IDUA: variants seen among roughly 807,000 people sequenced by gnomAD.
IDUA encodes alpha-L-iduronidase.
In IDUA, 65 loss-of-function variants were observed where a neutral mutation model predicts 68.9. The observed-to-expected ratio is 0.94, with a 90% CI of 0.77 to 1.16. The LOEUF (loss-of-function observed/expected upper bound fraction) is 1.16, where lower values mean the gene tolerates loss of function less well. Ranked by LOEUF, IDUA falls within the 50% of genes most tolerant of loss-of-function variation. IDUA has a pLI of 0.00. For missense variants in IDUA, 1,046 were observed against 938.0 expected (o/e 1.12, Z -1.50); for synonymous variants, 529 against 433.6 (o/e 1.22, Z -2.73).
In IDUA at chr4:999,001, G is replaced by A. The variant is rs1057169022; in HGVS notation, c.300-1611G>A. Among the ~76,000 whole-genome samples, 179 of 152,126 alleles carry A rather than the reference G, an allele frequency of 1.2e-3. 1 individual carries two copies. Among genetic ancestry groups the A allele is most frequent in the Non-Finnish European group, 1.6e-3 (111 of 67,990 alleles). ...GGGCGGATCACGAGGTCAGGAAATG[G>A]AAACCATCCTGGCTAACATGGTGAA... is the stretch of plus-strand genomic sequence containing the variant. On this transcript the variant is annotated intron_variant, in intron 2 of 13. Transcript: ENST00000514224.
intron 2 of IDUA, chr4:992,054 C>T (rs1164562622): frequency 1.6e-5 from 9 of 560,178 alleles, no homozygotes; most frequent in Non-Finnish European, 2.4e-5. Flanking sequence ...ATTGGCTCTG[C>T]GGTTCCTGGC....
chr4:1,003,174 G>A lies in IDUA; in HGVS notation c.1524+17G>A, dbSNP rs759010440. 2 of 1,339,128 alleles carry A rather than the reference G, an allele frequency of 1.5e-6. No individual in the cohort carries two copies. The highest frequency in any genetic ancestry group is 1.9e-6 in the Non-Finnish European group (2 of 1,051,312). 83.0% of individuals were successfully genotyped at this position (1,339,128 alleles called of 1,614,324 possible). On this transcript the variant is annotated intron_variant, in intron 10 of 13. Transcript: ENST00000514224. ...GCGGCTGAGGTAGGTGGGCCGCGGA[G>A]GGGCGAGGGGCCGGGCCGGGCCGGG...
At chr4:993,659 G>A (rs1714544873) in intron 2 of IDUA, among the ~76,000 whole-genome samples, 2 of 152,196 alleles carry the variant, frequency 1.3e-5, no homozygotes, top group South Asian at 2.1e-4. Flanking sequence ...AGCGGGAGGC[G>A]GGGGCTCAGG....
In IDUA at chr4:1,003,561, C is replaced by G; in HGVS notation, c.1663C>G (p.Arg555Gly). 1.9e-6 allele frequency: 3 copies of G among 1,612,076 alleles called. No homozygotes were observed. Among genetic ancestry groups the G allele is most frequent in the Non-Finnish European group, 1.7e-6 (2 of 1,179,784 alleles). Residue 555 changes from arginine to glycine, a missense_variant, in exon 12 of 14, where the codon CGC becomes GGC. Arg to Gly is a moderately radical substitution (Grantham distance 125). Transcript: ENST00000514224. The part of the protein sequence containing the change: ...EKPPGQVTRL[R>G]ALPLTQGQLV... Reference sequence around the variant, plus strand: ...TTCCCTCCCCCAGGTCACGCGGCTCCGCGCCCTGCCCCTGACCCAAGGGCA... The same window carrying G: ...TTCCCTCCCCCAGGTCACGCGGCTCGGCGCCCTGCCCCTGACCCAAGGGCA...
rs780136455 is a variant in IDUA, at chr4:991,649, G to A, written c.299+3700G>A. 1.8e-5 allele frequency: 28 copies of A among 1,552,556 alleles called. No homozygotes were observed. The highest frequency in any genetic ancestry group is 4.1e-5 in the African/African-American group (3 of 73,998). On this transcript the variant is annotated intron_variant, in intron 2 of 13. Coordinates refer to ENST00000514224, the MANE Select transcript of IDUA (RefSeq NM_000203.5). ...AGACCCCGGGGTGCTGGGCGCTGCC[G>A]TCGGACCGGCACCGGCCCTCTGCCC... is the stretch of plus-strand genomic sequence containing the variant.
At position 990,629 on chromosome 4, in the gene IDUA, A is replaced by G. The variant is rs540531285; in HGVS notation, c.299+2680A>G. 2.5e-4 allele frequency: 128 copies of G among 512,260 alleles called. 1 individual carries two copies. Among genetic ancestry groups the G allele is most frequent in the Middle Eastern group, 5.1e-4 (1 of 1,978 alleles). 31.7% of individuals were successfully genotyped at this position (512,260 alleles called of 1,614,324 possible). ...GACACGTCTAACCCTTGTCACGTGC[A>G]GCAGCCCGTTTTATTTCAGAATTAA... On this transcript the variant is annotated intron_variant, in intron 2 of 13. Coordinates refer to ENST00000514224, the MANE Select transcript of IDUA (RefSeq NM_000203.5).
At chr4:987,347 G>C in intron 1 of IDUA, 105 bp downstream of exon 1, 1 of 1,146,784 alleles carries the variant, frequency 8.7e-7, no homozygotes. Flanking sequence ...TCCCTCCTCT[G>C]GGGCCCTGGC....
chr4:999,604 TGCA>T (rs1714954619), intron 2 of IDUA: 1 of 151,866 alleles, frequency 6.6e-6, no homozygotes, highest in African/African-American at 2.4e-5. Flanking sequence ...CCCCTCGGAA[TGCA>T]GGCCTCGTGG....
intron 2 of IDUA, chr4:988,325 G>A: frequency 1.8e-6 from 2 of 1,098,568 alleles, no homozygotes; most frequent in Admixed American, 4.8e-5. Context: ...GGTGCAGGTG[G>A]CCACCCTGTG....
chr4:989,395 C>T (rs1157877742), intron 2 of IDUA: 25 of 1,567,272 alleles, frequency 1.6e-5, no homozygotes, highest in Middle Eastern at 1.7e-4. Flanking sequence ...GTCCCCGATG[C>T]GGGCCAGCAG....
In IDUA at chr4:1,003,115, CT is replaced by C; in HGVS notation, c.1484del (p.Phe495SerfsTer30). On this transcript the variant is annotated frameshift_variant, in exon 10 of 14. Transcript: ENST00000514224. LOFTEE classifies it high-confidence loss of function. ...AGTGGCGGCGCCTGGGCCGGCCCGT[CT>C]TCCCCACGGCAGAGCAGTTCCGGCG... ...GEWRRLGRPV[F>X]PTAEQFRRMR... 1 of 1,512,706 alleles carries C rather than the reference CT, an allele frequency of 6.6e-7. No homozygotes were observed. 93.7% of individuals were successfully genotyped at this position (1,512,706 alleles called of 1,614,324 possible). A position where few individuals can be genotyped will look rare whatever the true frequency, so the allele number is the denominator to read the frequency against.
intron 8 of IDUA, 28 bp downstream of exon 8, chr4:1,002,513 G>A: frequency 2.0e-6 from 3 of 1,480,364 alleles, no homozygotes; most frequent in Non-Finnish European, 1.8e-6. Flanking sequence ...GGGTGGGCCG[G>A]CCAGGGCCCT....
chr4:988,929 C>T lies in IDUA; in HGVS notation c.299+980C>T, dbSNP rs750423355. The T allele has an allele frequency of 1.9e-5, 31 of 1,601,268 alleles. No individual in the cohort carries two copies. The South Asian group carries it at 2.0e-4, about 10-fold the overall frequency. Reference sequence around the variant, plus strand: ...TGAGGAACAGCTGCTCCTCCTCAGCCGTGTCCCCGGGGCCCTCCCCGAGGA... The same window carrying T: ...TGAGGAACAGCTGCTCCTCCTCAGCTGTGTCCCCGGGGCCCTCCCCGAGGA... On this transcript the variant is annotated intron_variant, in intron 2 of 13. Coordinates refer to ENST00000514224, the MANE Select transcript of IDUA (RefSeq NM_000203.5).
chr4:1,002,453 T>C lies in IDUA; in HGVS notation c.1157T>C (p.Val386Ala). 2 of 1,556,512 alleles carry C rather than the reference T, an allele frequency of 1.3e-6. No individual in the cohort carries two copies. Among genetic ancestry groups the C allele is most frequent in the Non-Finnish European group, 8.7e-7 (1 of 1,151,256 alleles). The stretch of plus-strand genomic sequence containing the variant: ...CACGTGCAGCTGTTGCGCAAGCCGG[T>C]GCTCACGGCCATGGGGCTGCTGGCG... Reference protein sequence around the residue: ...PPHVQLLRKPVLTAMGLLALL... With the variant: ...PPHVQLLRKPALTAMGLLALL... The change falls in exon 8 of 14, where the codon GTG (valine) becomes GCG (alanine). Residue 386 changes from valine to alanine, a missense_variant. Coordinates refer to ENST00000514224, the MANE Select transcript of IDUA (RefSeq NM_000203.5).
At position 987,804 on chromosome 4, in the gene IDUA, C is replaced by G; in HGVS notation, c.159-5C>G. 1 of 1,612,190 alleles carries G rather than the reference C, an allele frequency of 6.2e-7. No homozygotes were observed. Among genetic ancestry groups the G allele is most frequent in the East Asian group, 2.2e-5 (1 of 44,850 alleles). On this transcript the variant is annotated splice_region_variant and splice_polypyrimidine_tract_variant and intron_variant, in intron 1 of 13. Transcript: ENST00000514224. ...GGGACTGAGCCGCCCCTTTGTTGTC[C>G]CCAGCCCCCCGCTGCCACACAGCCA...
intron 4 of IDUA, 63 bp downstream of exon 4, chr4:1,001,052 C>T: frequency 8.7e-7 from 1 of 1,143,960 alleles, no homozygotes; most frequent in Non-Finnish European, 1.3e-6. Context: ...AGGTTGCACC[C>T]CTATCACGCA....
rs13145056 is a variant in IDUA, at chr4:999,977, T to G, written c.300-635T>G. ...GGCCTCGTGGGAATTCAGCCCCATC[T>G]GCAAGTGCAGTGGCAGGGCGGCCCC... On this transcript the variant is annotated intron_variant, in intron 2 of 13. Transcript: ENST00000514224. 54 of 109,894 alleles carry G rather than the reference T, an allele frequency of 4.9e-4. 2 individuals carry two copies. Among genetic ancestry groups the G allele is most frequent in the Admixed American group, 1.0e-3 (12 of 11,960 alleles). 6.8% of individuals were successfully genotyped at this position (109,894 alleles called of 1,614,324 possible).
rs759743747 is a variant in IDUA, at chr4:1,004,161, C to T, written c.1828+49C>T. The stretch of plus-strand genomic sequence containing the variant: ...GGACTCGGCCACCCCATTCTTGGGC[C>T]TCAGGGCAGTACTGGGTGGGGGCCT... On this transcript the variant is annotated intron_variant, in intron 13 of 13. Coordinates refer to ENST00000514224, the MANE Select transcript of IDUA (RefSeq NM_000203.5). The surrounding 1 kb of genome is among the most constrained non-coding windows in gnomAD (Gnocchi z 5.0). 2 of 1,611,348 alleles carry T rather than the reference C, an allele frequency of 1.2e-6. No individual in the cohort carries two copies. Among genetic ancestry groups the T allele is most frequent in the Admixed American group, 1.7e-5 (1 of 59,996 alleles).
rs372273068 is a variant in IDUA, at chr4:1,004,141, C to T, written c.1828+29C>T. 4.0e-5 allele frequency: 64 copies of T among 1,611,388 alleles called. No homozygotes were observed. The highest frequency in any genetic ancestry group is 3.3e-4 in the Middle Eastern group (2 of 6,082). The stretch of plus-strand genomic sequence containing the variant: ...CGCCCACCACCCGCTGCCCTGGACT[C>T]GGCCACCCCATTCTTGGGCCTCAGG... On this transcript the variant is annotated intron_variant, in intron 13 of 13. Transcript: ENST00000514224. The surrounding 1 kb of genome is among the most constrained non-coding windows in gnomAD (Gnocchi z 5.0).
Sources: gnomAD v4.1 joint callset for allele counts (sites outside exome capture counted in the v4.1 genomes callset) on GRCh38, gnomAD v4.1.1 for gene constraint, Gnocchi (gnomAD v3.1) non-coding constraint, MANE v1.5 for transcripts, NCBI Gene and HGNC (gene_info 2026-07-23, HGNC 2026-07-21) for gene names.